Variants in OTOGL observed in about 807,000 individuals in gnomAD.
The protein encoded by OTOGL is otogelin-like protein.
A neutral mutation model predicts 318.5 loss-of-function variants in OTOGL; 285 were observed. The ratio of observed to expected loss-of-function variants is 0.89; its 90% CI spans 0.81 to 0.99. The LOEUF (loss-of-function observed/expected upper bound fraction) is 0.99. Among genes scored for constraint, OTOGL ranks in the 50% least tolerant of loss-of-function variants. The pLI is 0.00. For synonymous variants in OTOGL, 987 were observed against 936.5 expected (o/e 1.05, Z -0.99); for missense variants, 2,899 against 2,845.6 (o/e 1.02, Z -0.43).
chr12:80,303,406 C>T (rs557977289), intron 28 of OTOGL, among the ~76,000 whole-genome samples: 56 of 152,176 alleles, frequency 3.7e-4, no homozygotes, highest in Admixed American at 5.9e-4. Context: ...CCACCCGCCT[C>T]GGCCTCCCAA....
intron 1 of OTOGL, among the ~76,000 whole-genome samples, chr12:80,165,005 A>C (rs1008010787): frequency 6.6e-6 from 1 of 152,180 alleles, no homozygotes; most frequent in Non-Finnish European, 1.5e-5. Context: ...GGGTATTCCA[A>C]GGATAGAAGG....
At chr12:80,205,878 C>T (rs1369178031) in intron 1 of OTOGL, among the ~76,000 whole-genome samples, 4 of 152,158 alleles carry the variant, frequency 2.6e-5, no homozygotes, top group Admixed American at 2.0e-4. Flanking sequence ...CCATTATTAT[C>T]ATTGACATAT....
chr12:80,111,429 G>T (rs1251460336), intron 1 of OTOGL, among the ~76,000 whole-genome samples: 1 of 152,138 alleles, frequency 6.6e-6, no homozygotes, highest in East Asian at 1.9e-4. Context: ...TTTGTATAAG[G>T]TGTAAGGAAG....
In OTOGL at chr12:80,264,986, T is replaced by G. The variant is rs1057125874; in HGVS notation, c.2015-15T>G. ...CTGAACTGTTAAATAAGATGCTAAT[T>G]GGGCTCTTTGTTAGTTGGGTATGCA... is the stretch of plus-strand genomic sequence containing the variant. On this transcript the variant is annotated splice_polypyrimidine_tract_variant and intron_variant, in intron 19 of 58. Coordinates refer to ENST00000547103, the MANE Select transcript of OTOGL (RefSeq NM_001378609.3). The G allele has an allele frequency of 1.2e-6, 2 of 1,612,658 alleles. No individual in the cohort carries two copies. The highest frequency in any genetic ancestry group is 2.7e-5 in the African/African-American group (2 of 74,926).
At chr12:80,241,872 G>T (rs945612089) in intron 11 of OTOGL, among the ~76,000 whole-genome samples, 1 of 151,988 alleles carries the variant, frequency 6.6e-6, no homozygotes, top group Non-Finnish European at 1.5e-5. Context: ...TTTTGTCGAG[G>T]TTATTATTTT....
At chr12:80,122,006 C>T (rs1592468765) in intron 1 of OTOGL, among the ~76,000 whole-genome samples, 1 of 152,114 alleles carries the variant, frequency 6.6e-6, no homozygotes, top group East Asian at 1.9e-4. Flanking sequence ...GCAAAATCAT[C>T]ATATGGCCAA....
At chr12:80,341,926 A>G in intron 43 of OTOGL, 22 bp from the exon 44 acceptor site, 2 of 1,527,540 alleles carry the variant, frequency 1.3e-6, no homozygotes, top group Non-Finnish European at 1.8e-6. Flanking sequence ...TTTTTCTTCT[A>G]ACTGTCATAT....
Position 80,255,114 on chromosome 12 carries a change from C to G in OTOGL, c.1516C>G (p.Gln506Glu). ...GRHYSFIGMC[Q>E]YILVKGTGKD... is the part of the protein sequence containing the mutation. ...ACATTATTCTTTTATTGGCATGTGC[C>G]AATACATCCTCGTGAAAGGAACTGG... The change falls in exon 16 of 59, where the codon CAA (glutamine) becomes GAA (glutamate). Residue 506 changes from glutamine (Q) to glutamate (E), a missense_variant. Around this residue, in one of 3 missense-constraint regions of OTOGL, gnomAD observed 2,607 missense variants for 2,524.9 expected, o/e 1.03. Coordinates refer to ENST00000547103, the MANE Select transcript of OTOGL (RefSeq NM_001378609.3). 1 of 1,528,380 alleles carries G rather than the reference C, an allele frequency of 6.5e-7. No homozygotes were observed. Among genetic ancestry groups the G allele is most frequent in the Non-Finnish European group, 8.8e-7 (1 of 1,139,068 alleles). The allele number at this position is 1,528,380 out of a possible 1,614,324, so 94.7% of individuals were successfully genotyped here.
intron 44 of OTOGL, among the ~76,000 whole-genome samples, chr12:80,350,472 A>C (rs1185888775): frequency 6.6e-6 from 1 of 152,120 alleles, no homozygotes; most frequent in Admixed American, 6.6e-5. Flanking sequence ...TTTTTTGAGA[A>C]ACCTCCATAT....
intron 27 of OTOGL, among the ~76,000 whole-genome samples, chr12:80,302,237 A>T (rs1218916949): frequency 6.6e-6 from 1 of 152,170 alleles, no homozygotes; most frequent in Non-Finnish European, 1.5e-5. Context: ...CGCAGGAACA[A>T]ATTTCTCTCT....
intron 19 of OTOGL, among the ~76,000 whole-genome samples, 179 bp from the exon 20 acceptor site, chr12:80,264,822 G>T (rs1381621745): frequency 6.6e-6 from 1 of 152,054 alleles, no homozygotes; most frequent in Non-Finnish European, 1.5e-5. Flanking sequence ...GTTGAATGTG[G>T]ATTAAGTGCT....
chr12:80,141,108 C>G (rs1225001704), intron 1 of OTOGL, among the ~76,000 whole-genome samples: 1 of 151,988 alleles, frequency 6.6e-6, no homozygotes, highest in African/African-American at 2.4e-5. Context: ...ATTCTTGTAC[C>G]TTTATTTTTA....
intron 40 of OTOGL, 112 bp from the exon 41 acceptor site, chr12:80,336,685 A>C: frequency 7.1e-7 from 1 of 1,409,790 alleles, no homozygotes; most frequent in South Asian, 1.4e-5. Flanking sequence ...ATAATGTTTC[A>C]GAAACATTTC....
chr12:80,144,256 C>A (rs1230050430), intron 1 of OTOGL, among the ~76,000 whole-genome samples: 1 of 151,928 alleles, frequency 6.6e-6, no homozygotes, highest in East Asian at 1.9e-4. Flanking sequence ...CCTTCTGTGT[C>A]CATGTGATCT....
chr12:80,112,122 C>T (rs1869877872), intron 1 of OTOGL, among the ~76,000 whole-genome samples: 1 of 151,996 alleles, frequency 6.6e-6, no homozygotes, highest in African/African-American at 2.4e-5. Context: ...TACTAAAGTT[C>T]CTTATCAGTT....
rs531288405 is a variant in OTOGL at position 80,219,903 on chromosome 12, T to A, written c.325T>A (p.Cys109Ser). The stretch of plus-strand genomic sequence containing the variant: ...AATATTTCAGGCTCTTGGGACAAGA[T>A]GCCAGATCAGTAAGTTTCAGGGATG... Reference protein sequence around the residue: ...CQIFQALGTRCQIIPNMGNGR... With the variant: ...CQIFQALGTRSQIIPNMGNGR... The change falls in exon 6 of 59, where the codon TGC (cysteine) becomes AGC (serine). Residue 109 changes from cysteine to serine, a missense_variant. By Grantham distance (112) the Cys-to-Ser change is moderately radical (BLOSUM62 -1). Around this residue, in one of 3 missense-constraint regions of OTOGL, gnomAD observed 2,607 missense variants for 2,524.9 expected, o/e 1.03. Coordinates refer to ENST00000547103, the MANE Select transcript of OTOGL (RefSeq NM_001378609.3). 6.4e-7 allele frequency: 1 copy of A among 1,568,244 alleles called. No individual in the cohort carries two copies. Among genetic ancestry groups the A allele is most frequent in the Non-Finnish European group, 8.7e-7 (1 of 1,153,582 alleles).
chr12:80,360,966 C>T (rs1038467426), intron 52 of OTOGL: 1 of 151,972 alleles, frequency 6.6e-6, no homozygotes, highest in Admixed American at 6.6e-5. Flanking sequence ...CATTACCTCA[C>T]GACATCATTT....
chr12:80,228,600 A>G (rs1362114875), intron 7 of OTOGL, among the ~76,000 whole-genome samples: 1 of 152,124 alleles, frequency 6.6e-6, no homozygotes, highest in Non-Finnish European at 1.5e-5. Context: ...TCTTTCAGTT[A>G]TGTCATGGTT....
intron 55 of OTOGL, among the ~76,000 whole-genome samples, chr12:80,369,476 T>C (rs908788456): frequency 5.9e-5 from 9 of 152,062 alleles, no homozygotes; most frequent in Non-Finnish European, 1.2e-4. Context: ...GCAGTTACTG[T>C]TCATCTGAAA....
Sources: allele counts gnomAD v4.1 joint callset (sites outside exome capture counted in the v4.1 genomes callset), GRCh38; gene constraint gnomAD v4.1.1; regional missense constraint gnomAD v4.1.1; transcripts MANE v1.5; gene names NCBI Gene and HGNC (gene_info 2026-07-23, HGNC 2026-07-21).